FREM2: variants seen among roughly 807,000 people sequenced by gnomAD.
FREM2 encodes FRAS1-related extracellular matrix protein 2.
In FREM2, 119 loss-of-function variants were observed where a neutral mutation model predicts 219.9. The ratio of observed to expected loss-of-function variants is 0.54; its 90% CI spans 0.47 to 0.63. FREM2 has a LOEUF of 0.63. FREM2 is among the 30% of genes least tolerant of loss of function. The pLI, the probability that FREM2 is intolerant of heterozygous loss-of-function variation, is 0.00. For missense variants in FREM2, 4,030 were observed against 3,993.6 expected (o/e 1.01, Z -0.25); for synonymous variants, 1,562 against 1,522.8 (o/e 1.03, Z -0.60).
intron 12 of FREM2, 71 bp from the exon 13 acceptor site, chr13:38,857,804 T>C (rs923340037): frequency 1.5e-5 from 20 of 1,323,612 alleles, no homozygotes; most frequent in Non-Finnish European, 2.0e-5. Flanking sequence ...ATCGTGAGTA[T>C]TGTTCTGTGT....
chr13:38,755,873 A>G (rs748631868), intron 2 of FREM2, among the ~76,000 whole-genome samples: 7 of 152,212 alleles, frequency 4.6e-5, no homozygotes, highest in Non-Finnish European at 1.0e-4. Flanking sequence ...GGCTAACAAC[A>G]ATCCTACAGA....
chr13:38,691,961 C>A lies in FREM2; in HGVS notation c.4617C>A (p.His1539Gln), dbSNP rs753881706. ...ATAAAAAGCCAGTGGTCACCATCCA[C>A]AAGCTGGTTGTCAGTGAAAGTGAAA... is the stretch of plus-strand genomic sequence containing the variant. ...VDNKKPVVTI[H>Q]KLVVSESENK... Residue 1539 changes from histidine (H) to glutamine (Q), a missense_variant, in exon 1 of 24, where the codon CAC (histidine) becomes CAA (glutamine). Transcript: ENST00000280481. 15 of 1,614,218 alleles carry A rather than the reference C, an allele frequency of 9.3e-6. No individual in the cohort carries two copies. Among genetic ancestry groups the A allele is most frequent in the Non-Finnish European group, 1.2e-5 (14 of 1,180,030 alleles).
At chr13:38,734,932 G>A (rs766214379) in intron 2 of FREM2, among the ~76,000 whole-genome samples, 3 of 151,926 alleles carry the variant, frequency 2.0e-5, no homozygotes, top group African/African-American at 4.8e-5. Flanking sequence ...ATTTTTAGTC[G>A]AGATGGGGTT....
chr13:38,719,767 C>T (rs537850968), intron 2 of FREM2, among the ~76,000 whole-genome samples: 6 of 152,272 alleles, frequency 3.9e-5, no homozygotes, highest in African/African-American at 1.2e-4. Flanking sequence ...ATTCTGCCAA[C>T]CACAGTCACC....
At chr13:38,792,279 G>C (rs1402739326) in intron 6 of FREM2, among the ~76,000 whole-genome samples, 1 of 152,102 alleles carries the variant, frequency 6.6e-6, no homozygotes, top group Non-Finnish European at 1.5e-5. Flanking sequence ...AACCTGGGAG[G>C]CGGAGGTTGC....
chr13:38,855,477 TACTG>T (rs1877519683), intron 11 of FREM2, among the ~76,000 whole-genome samples: 2 of 152,196 alleles, frequency 1.3e-5, no homozygotes, highest in Admixed American at 1.3e-4. Context: ...ATATTAGAAC[TACTG>T]ATTGTCCCTC....
intron 2 of FREM2, among the ~76,000 whole-genome samples, chr13:38,710,695 G>A (rs1224205738): frequency 6.6e-6 from 1 of 152,174 alleles, no homozygotes; most frequent in African/African-American, 2.4e-5. Context: ...AAATACGTGT[G>A]GAGTGAGTCA....
intron 6 of FREM2, among the ~76,000 whole-genome samples, chr13:38,833,167 G>A (rs1362152436): frequency 6.6e-6 from 1 of 151,920 alleles, no homozygotes; most frequent in Non-Finnish European, 1.5e-5. Flanking sequence ...CCATTTTTCT[G>A]CAGTTTTGTT....
intron 2 of FREM2, among the ~76,000 whole-genome samples, chr13:38,707,538 C>T (rs1400931121): frequency 1.2e-4 from 18 of 152,136 alleles, no homozygotes; most frequent in Admixed American, 1.1e-3. Flanking sequence ...CGCCTGTTCT[C>T]CATCCCTCTG....
In FREM2 at chr13:38,729,206, C is replaced by G. The variant is rs145633568; in HGVS notation, c.5263+31419C>G. The stretch of plus-strand genomic sequence containing the variant: ...TGGCATTTTTTTTTTCAAATAACAC[C>G]AATTAATGTCCCACAAAGCTTGTCT... On this transcript the variant is annotated intron_variant, in intron 2 of 23. Transcript: ENST00000280481. 9.7e-3 allele frequency among the ~76,000 whole-genome samples: 1,472 copies of G among 152,046 alleles called. 20 individuals carry two copies. The highest frequency in any genetic ancestry group is 0.033 in the African/African-American group (1,387 of 41,438).
chr13:38,824,826 TCTC>T (rs1445672549), intron 6 of FREM2, among the ~76,000 whole-genome samples: 1 of 151,992 alleles, frequency 6.6e-6, no homozygotes, highest in African/African-American at 2.4e-5. Context: ...TTCAGACTCC[TCTC>T]CTCCTGTAGG....
chr13:38,844,390 G>A lies in FREM2; in HGVS notation c.6020-2183G>A, dbSNP rs77777962. 7.8e-3 allele frequency among the ~76,000 whole-genome samples: 1,178 copies of A among 151,974 alleles called. 14 individuals carry two copies. Among genetic ancestry groups the A allele is most frequent in the African/African-American group, 0.027 (1,130 of 41,440 alleles). ...ATGGTAACTCATTCGTCTTCATTTC[G>A]AATGACAACTTAGAAGTTTTCAGAG... On this transcript the variant is annotated intron_variant, in intron 6 of 23. Coordinates refer to ENST00000280481, the MANE Select transcript of FREM2 (RefSeq NM_207361.6).
chr13:38,784,525 A>G (rs1874246255), intron 5 of FREM2, 32 bp from the exon 6 acceptor site: 1 of 1,612,592 alleles, frequency 6.2e-7, no homozygotes, highest in Non-Finnish European at 8.5e-7. Context: ...TATGTTCTAC[A>G]TAAAAATCTT....
chr13:38,760,766 A>C (rs1000805123), intron 2 of FREM2, among the ~76,000 whole-genome samples: 2 of 152,154 alleles, frequency 1.3e-5, no homozygotes, highest in African/African-American at 4.8e-5. Context: ...TTTTTCTAAC[A>C]ATAAGTTAAA....
chr13:38,878,152 G>A lies in FREM2; in HGVS notation c.8690G>A (p.Arg2897His), dbSNP rs769328160. 12 of 1,613,238 alleles carry A rather than the reference G, an allele frequency of 7.4e-6. No individual in the cohort carries two copies. The East Asian group carries it at 8.9e-5, about 12-fold the overall frequency. Residue 2897 changes from arginine (R) to histidine (H), a missense_variant, in exon 22 of 24, where the codon CGT (arginine) becomes CAT (histidine). Coordinates refer to ENST00000280481, the MANE Select transcript of FREM2 (RefSeq NM_207361.6). ...ATTTCAGGTGATATAATTTATGGTCGTGTCATGGTGGATCCTGTCCAGAAT... is the reference window on the plus strand; with the variant it reads ...ATTTCAGGTGATATAATTTATGGTCATGTCATGGTGGATCCTGTCCAGAAT... ...AFAEGDIIYG[R>H]VMVDPVQNLG... is the part of the protein sequence containing the mutation.
At chr13:38,840,221 C>T (rs1876894226) in intron 6 of FREM2, among the ~76,000 whole-genome samples, 1 of 151,966 alleles carries the variant, frequency 6.6e-6, no homozygotes, top group East Asian at 1.9e-4. Context: ...GTTCCCCGAC[C>T]CCTTGCACTT....
Position 38,859,296 on chromosome 13 carries a change from C to T in FREM2, c.7225C>T (p.Pro2409Ser), listed in dbSNP as rs1877670516. ...CATTTGTTTTCCGTAGGCTTGCAAC[C>T]CCAAATATTCAGACTACGATAAAAC... is the stretch of plus-strand genomic sequence containing the variant. ...YPVICITACN[P>S]KYSDYDKTGS... Residue 2409 changes from proline to serine, a missense_variant, in exon 14 of 24, where the codon CCC (proline) becomes TCC (serine). Around this residue, in one of 2 missense-constraint regions of FREM2, gnomAD observed 928 missense variants for 1,042.9 expected, o/e 0.89. Coordinates refer to ENST00000280481, the MANE Select transcript of FREM2 (RefSeq NM_207361.6). 6.2e-7 allele frequency: 1 copy of T among 1,614,020 alleles called. No homozygotes were observed. Among genetic ancestry groups the T allele is most frequent in the Non-Finnish European group, 8.5e-7 (1 of 1,179,970 alleles).
intron 2 of FREM2, among the ~76,000 whole-genome samples, chr13:38,760,665 T>C (rs1209522580): frequency 1.3e-5 from 2 of 152,224 alleles, no homozygotes; most frequent in Non-Finnish European, 2.9e-5. Context: ...AGATATGTTA[T>C]GTTTACATAG....
At position 38,870,467 on chromosome 13, in the gene FREM2, G is replaced by A. The variant is rs894275241; in HGVS notation, c.7984-2275G>A. 2.6e-5 allele frequency among the ~76,000 whole-genome samples: 4 copies of A among 152,144 alleles called. No individual in the cohort carries two copies. In the East Asian group the frequency reaches 5.8e-4, roughly 22 times the overall value. On this transcript the variant is annotated intron_variant, in intron 16 of 23. Coordinates refer to ENST00000280481, the MANE Select transcript of FREM2 (RefSeq NM_207361.6). ...TAAGATTTGACAGATATTTATTTCA[G>A]TATAAACAAATACCTCGAAAAGTCC...
Sources: gnomAD v4.1 joint callset for allele counts (sites outside exome capture counted in the v4.1 genomes callset) on GRCh38, gnomAD v4.1.1 for gene constraint, gnomAD v4.1.1 regional missense constraint, MANE v1.5 for transcripts, NCBI Gene and HGNC (gene_info 2026-07-23, HGNC 2026-07-21) for gene names.